The following ADAMTSL1 variants were observed in gnomAD, a reference collection of about 807,000 sequenced individuals.
The protein encoded by ADAMTSL1 is ADAMTS-like protein 1.
Under a neutral mutation model 201.8 loss-of-function variants are expected in ADAMTSL1, and 126 were observed. The observed-to-expected ratio is 0.62, with a 90% CI of 0.54 to 0.72. The LOEUF is 0.72. Ranked by LOEUF, ADAMTSL1 falls within the 30% of genes least tolerant of loss-of-function variation. ADAMTSL1 has a pLI of 0.00. For synonymous variants in ADAMTSL1, 1,121 were observed against 903.4 expected (o/e 1.24, Z -4.32); for missense variants, 2,679 against 2,277.8 (o/e 1.18, Z -3.59).
At chr9:18,525,970 C>T (rs188566060) in intron 2 of ADAMTSL1, among the ~76,000 whole-genome samples, 1 of 152,186 alleles carries the variant, frequency 6.6e-6, no homozygotes, top group Admixed American at 6.5e-5. Flanking sequence ...CCACTTGGTA[C>T]AGAGCTGAGT....
chr9:18,791,541 C>G (rs1822055432), intron 19 of ADAMTSL1, among the ~76,000 whole-genome samples: 1 of 152,032 alleles, frequency 6.6e-6, no homozygotes, highest in South Asian at 2.1e-4. Flanking sequence ...AAGTGCTGGA[C>G]CAAAAACATG....
At chr9:18,529,679 T>G (rs1309015195) in intron 2 of ADAMTSL1, among the ~76,000 whole-genome samples, 1 of 152,206 alleles carries the variant, frequency 6.6e-6, no homozygotes, top group Non-Finnish European at 1.5e-5. Context: ...TAGAGACTAG[T>G]GTTTCTGTTA....
intron 2 of ADAMTSL1, among the ~76,000 whole-genome samples, chr9:18,525,910 C>T (rs545461102): frequency 1.1e-4 from 16 of 152,210 alleles, no homozygotes; most frequent in East Asian, 3.9e-4. Flanking sequence ...TCGAGAAGAA[C>T]GTATATTCTG....
intron 7 of ADAMTSL1, among the ~76,000 whole-genome samples, chr9:18,640,402 C>T (rs1461675021): frequency 1.3e-5 from 2 of 152,068 alleles, no homozygotes; most frequent in Non-Finnish European, 2.9e-5. Context: ...CTTTGAAGCC[C>T]TTGGAGTACC....
chr9:18,042,193 T>A (rs1016260613), intron 1 of ADAMTSL1, among the ~76,000 whole-genome samples: 1 of 151,954 alleles, frequency 6.6e-6, no homozygotes, highest in African/African-American at 2.4e-5. Flanking sequence ...GCTTAAGTGA[T>A]GTACAAATTA....
intron 2 of ADAMTSL1, among the ~76,000 whole-genome samples, chr9:18,388,825 C>G (rs954610119): frequency 6.6e-6 from 1 of 151,780 alleles, no homozygotes; most frequent in South Asian, 2.1e-4. Flanking sequence ...AGTGCCCTCT[C>G]GGCTCACTGC....
intron 3 of ADAMTSL1, among the ~76,000 whole-genome samples, chr9:18,554,867 G>C (rs752306869): frequency 2.6e-5 from 4 of 151,714 alleles, no homozygotes; most frequent in Non-Finnish European, 4.4e-5. Context: ...GAGCTACATT[G>C]ACACATGATC....
intron 2 of ADAMTSL1, among the ~76,000 whole-genome samples, chr9:18,272,288 T>C (rs1028132779): frequency 3.3e-5 from 5 of 152,108 alleles, no homozygotes; most frequent in African/African-American, 1.2e-4. Context: ...AACAGAGCCC[T>C]CAGAAATAAT....
intron 3 of ADAMTSL1, among the ~76,000 whole-genome samples, chr9:18,568,041 A>G (rs1178535387): frequency 1.3e-5 from 2 of 152,158 alleles, no homozygotes; most frequent in Non-Finnish European, 2.9e-5. Context: ...CATTCTCTCA[A>G]AATATCTTAT....
At chr9:18,169,244 T>C (rs10963489) in intron 2 of ADAMTSL1, among the ~76,000 whole-genome samples, 48,105 of 151,076 alleles carry the variant, frequency 0.32, 7,799 homozygotes, top group Admixed American at 0.39. Context: ...TCTTCTAGGG[T>C]TTTTATGGTT....
chr9:18,784,722 A>G (rs1329335205), intron 19 of ADAMTSL1, among the ~76,000 whole-genome samples: 2 of 152,218 alleles, frequency 1.3e-5, no homozygotes, highest in Admixed American at 6.5e-5. Context: ...TCATCATCAC[A>G]GGTAACATTT....
intron 2 of ADAMTSL1, among the ~76,000 whole-genome samples, chr9:18,438,423 C>G (rs375298656): frequency 6.6e-6 from 1 of 152,132 alleles, no homozygotes. Flanking sequence ...GGCAGCCACC[C>G]CCACGGACAG....
At chr9:18,584,367 G>C (rs986502315) in intron 4 of ADAMTSL1, among the ~76,000 whole-genome samples, 6 of 151,548 alleles carry the variant, frequency 4.0e-5, no homozygotes, top group African/African-American at 2.4e-5. Flanking sequence ...TGATTGTGAG[G>C]CCCCCCCCAG....
At chr9:18,116,231 T>G (rs958226441) in intron 1 of ADAMTSL1, among the ~76,000 whole-genome samples, 1 of 152,144 alleles carries the variant, frequency 6.6e-6, no homozygotes, top group Non-Finnish European at 1.5e-5. Flanking sequence ...ACTACATAAT[T>G]GTAGTAGTCC....
intron 1 of ADAMTSL1, among the ~76,000 whole-genome samples, chr9:18,004,382 A>G (rs1420847758): frequency 6.6e-6 from 1 of 151,996 alleles, no homozygotes; most frequent in African/African-American, 2.4e-5. Flanking sequence ...CTCCTTCTGC[A>G]GGTGGTAAGG....
chr9:18,813,506 A>G (rs776049209), intron 20 of ADAMTSL1, among the ~76,000 whole-genome samples: 27 of 152,032 alleles, frequency 1.8e-4, no homozygotes, highest in African/African-American at 3.9e-4. Flanking sequence ...TCTTTCATCA[A>G]TGTTTTATAC....
intron 2 of ADAMTSL1, among the ~76,000 whole-genome samples, chr9:18,276,569 T>C (rs1474036004): frequency 6.6e-6 from 1 of 152,182 alleles, no homozygotes; most frequent in African/African-American, 2.4e-5. Context: ...TTTAGCAAGA[T>C]GAGAGGTTTA....
rs1832270429 is a variant in ADAMTSL1 at position 18,706,967 on chromosome 9, T to C, written c.1795T>C (p.Phe599Leu). The C allele has an allele frequency of 1.2e-6, 2 of 1,613,966 alleles. No homozygotes were observed. The highest frequency in any genetic ancestry group is 1.7e-6 in the Non-Finnish European group (2 of 1,179,890). ...CAACCCAGACGAGACAGATGGGCTC[T>C]TTGGTGGCCTGCAGGATTTCGACGA... Reference protein sequence around the residue: ...EFNPDETDGLFGGLQDFDELY... With the variant: ...EFNPDETDGLLGGLQDFDELY... Residue 599 changes from phenylalanine to leucine, a missense_variant, in exon 14 of 29, where the codon TTT (phenylalanine) becomes CTT (leucine). By Grantham distance (22) the Phe-to-Leu change is conservative (BLOSUM62 0). Coordinates refer to ENST00000380548, the MANE Select transcript of ADAMTSL1 (RefSeq NM_001040272.6).
intron 1 of ADAMTSL1, among the ~76,000 whole-genome samples, chr9:17,968,748 A>G (rs528858015): frequency 2.6e-5 from 4 of 152,118 alleles, no homozygotes; most frequent in Admixed American, 2.6e-4. Context: ...ACCAGTATCT[A>G]TGCATGAATT....
Sources: gnomAD v4.1 joint callset for allele counts (sites outside exome capture counted in the v4.1 genomes callset) on GRCh38, gnomAD v4.1.1 for gene constraint, MANE v1.5 for transcripts, NCBI Gene and HGNC (gene_info 2026-07-23, HGNC 2026-07-21) for gene names.